Variants in BCAR3 observed in about 807,000 individuals in gnomAD.
BCAR3 encodes the protein BCAR3 adaptor protein, NSP family member, also known as breast cancer anti-estrogen resistance protein 3.
A neutral mutation model predicts 80.1 loss-of-function variants in BCAR3; 37 were observed. The ratio of observed to expected loss-of-function variants is 0.46; its 90% CI spans 0.36 to 0.61. The LOEUF is 0.61. Ranked by LOEUF, BCAR3 falls within the 20% of genes least tolerant of loss-of-function variation. BCAR3 has a pLI of 0.00. For missense variants in BCAR3, 978 were observed against 1,068.2 expected, an observed-to-expected ratio of 0.92 and a Z score of 1.18; for synonymous variants, 389 against 418.9, an observed-to-expected ratio of 0.93 and a Z score of 0.87.
intron 2 of BCAR3, among the ~76,000 whole-genome samples, chr1:93,752,053 A>G (rs4357541): frequency 0.12 from 17,816 of 152,228 alleles, 1,466 homozygotes; most frequent in African/African-American, 0.22. Context: ...AGTACCACCT[A>G]CACACTCATT....
At chr1:93,761,921 T>C (rs1571106064) in intron 2 of BCAR3, among the ~76,000 whole-genome samples, 1 of 152,156 alleles carries the variant, frequency 6.6e-6, no homozygotes, top group Non-Finnish European at 1.5e-5. Flanking sequence ...AAGAAGCCAC[T>C]TGAGGGTACC....
At chr1:93,638,445 G>A (rs1358704612) in intron 3 of BCAR3, among the ~76,000 whole-genome samples, 1 of 152,208 alleles carries the variant, frequency 6.6e-6, no homozygotes, top group Non-Finnish European at 1.5e-5. Context: ...TGGACACAGT[G>A]TAATTGTGTT....
chr1:93,564,250 T>A (rs1404330807), intron 11 of BCAR3, among the ~76,000 whole-genome samples: 1 of 151,992 alleles, frequency 6.6e-6, no homozygotes, highest in Non-Finnish European at 1.5e-5. Context: ...TGTTTTCTGC[T>A]GTGGTTCATG....
chr1:93,781,187 A>G (rs1652750079), intron 2 of BCAR3, among the ~76,000 whole-genome samples: 1 of 152,268 alleles, frequency 6.6e-6, no homozygotes, highest in African/African-American at 2.4e-5. Flanking sequence ...TACAAAAGAA[A>G]CAACCATGGC....
At chr1:93,846,970 T>C in intron 1 of BCAR3, 2 of 233,286 alleles carry the variant, frequency 8.6e-6, no homozygotes, top group South Asian at 2.1e-5. Flanking sequence ...CACACAGACG[T>C]CGCGCGGCGG....
intron 2 of BCAR3, among the ~76,000 whole-genome samples, chr1:93,834,238 C>T (rs1368193015): frequency 6.6e-6 from 1 of 152,184 alleles, no homozygotes; most frequent in Non-Finnish European, 1.5e-5. Flanking sequence ...CTCATTTTAC[C>T]TGTCCAAAAA....
At chr1:93,658,531 A>C (rs952848896) in intron 2 of BCAR3, among the ~76,000 whole-genome samples, 10 of 152,076 alleles carry the variant, frequency 6.6e-5, no homozygotes, top group African/African-American at 2.4e-4. Flanking sequence ...ACACTCCTAT[A>C]GTCTCAGCTA....
chr1:93,783,644 CA>C (rs1652841605), intron 2 of BCAR3, among the ~76,000 whole-genome samples: 2 of 152,078 alleles, frequency 1.3e-5, no homozygotes, highest in African/African-American at 2.4e-5. Flanking sequence ...GTTGAGGGAA[CA>C]AAGTTGTAGA....
At chr1:93,802,016 G>A (rs969714631) in intron 2 of BCAR3, among the ~76,000 whole-genome samples, 6 of 152,084 alleles carry the variant, frequency 3.9e-5, no homozygotes, top group African/African-American at 1.4e-4. Context: ...TCCTCAGGAG[G>A]CTGAGGCAGG....
chr1:93,769,384 TGTGTG>T, intron 2 of BCAR3, among the ~76,000 whole-genome samples: 1 of 151,044 alleles, frequency 6.6e-6, no homozygotes, highest in African/African-American at 2.4e-5. Flanking sequence ...TGTGTGTGTG[TGTGTG>T]TGTGTGTGTG....
At chr1:93,681,460 C>G (rs1196654645) in intron 1 of BCAR3, 138 bp downstream of exon 1, 1 of 152,282 alleles carries the variant, frequency 6.6e-6, no homozygotes, top group Admixed American at 6.5e-5. Flanking sequence ...TAGGGACCAA[C>G]AAACGCCGGC....
intron 2 of BCAR3, among the ~76,000 whole-genome samples, chr1:93,803,010 G>A (rs1315679628): frequency 7.2e-5 from 11 of 152,120 alleles, no homozygotes; most frequent in Admixed American, 3.9e-4. Flanking sequence ...AATCTTCTCC[G>A]TCTCAGGAGA....
chr1:93,722,495 T>G (rs1240679193), intron 2 of BCAR3, among the ~76,000 whole-genome samples: 1 of 152,140 alleles, frequency 6.6e-6, no homozygotes, highest in African/African-American at 2.4e-5. Flanking sequence ...CTCTGCACAC[T>G]CTAAGCCGCA....
chr1:93,835,433 G>A lies in BCAR3; in HGVS notation c.-63+10134C>T, dbSNP rs370313532. Among the ~76,000 whole-genome samples the A allele has an allele frequency of 3.7e-4, 57 of 152,072 alleles. 2 individuals carry two copies. The East Asian group carries it at 0.01, about 27-fold the overall frequency. ...GCCAGTTTTCCTCCTCCTCCTCTTC[G>A]GTCACTCCCACCTACTCTCCCACTG... On this transcript the variant is annotated intron_variant, in intron 2 of 13. Coordinates refer to the BCAR3 transcript ENST00000370244.
chr1:93,745,762 G>T (rs1651335640), intron 2 of BCAR3, among the ~76,000 whole-genome samples: 1 of 152,114 alleles, frequency 6.6e-6, no homozygotes. Flanking sequence ...TTTTATAGCT[G>T]GGCGTGATTG....
intron 2 of BCAR3, among the ~76,000 whole-genome samples, chr1:93,742,261 C>A (rs1320047284): frequency 6.6e-6 from 1 of 152,134 alleles, no homozygotes; most frequent in Non-Finnish European, 1.5e-5. Flanking sequence ...CTGGATTATG[C>A]CTCCTGCTAT....
Position 93,777,816 on chromosome 1 carries a change from T to C in BCAR3, c.-63+67751A>G, listed in dbSNP as rs1652629495. Among the ~76,000 whole-genome samples, 3 of 152,248 alleles carry C rather than the reference T, an allele frequency of 2.0e-5. 1 individual carries two copies. The South Asian group carries it at 6.2e-4, about 32-fold the overall frequency. Reference sequence around the variant, plus strand: ...TGGTTACCCTGAGGTTCAATTTATATGGCAAATGTAGATTCCTTTGCTTTG... The same window carrying C: ...TGGTTACCCTGAGGTTCAATTTATACGGCAAATGTAGATTCCTTTGCTTTG... On this transcript the variant is annotated intron_variant, in intron 2 of 13. Coordinates refer to the BCAR3 transcript ENST00000370244.
At chr1:93,828,194 C>T (rs139785453) in intron 2 of BCAR3, among the ~76,000 whole-genome samples, 2 of 152,160 alleles carry the variant, frequency 1.3e-5, no homozygotes, top group African/African-American at 2.4e-5. Context: ...CAATGACTTG[C>T]GAGGCTGAGG....
chr1:93,639,529 T>C (rs1406420499), intron 3 of BCAR3, among the ~76,000 whole-genome samples: 1 of 149,420 alleles, frequency 6.7e-6, no homozygotes, highest in Non-Finnish European at 1.5e-5. Flanking sequence ...CAGGCTGCAG[T>C]GCAATCGTGC....
Sources: gnomAD v4.1 joint callset for allele counts (sites outside exome capture counted in the v4.1 genomes callset) on GRCh38, gnomAD v4.1.1 for gene constraint, MANE v1.5 for transcripts, NCBI Gene and HGNC (gene_info 2026-07-23, HGNC 2026-07-21) for gene names.